The following WAC variants were observed in gnomAD, a reference collection of about 807,000 sequenced individuals.
WAC encodes WW domain containing adaptor with coiled-coil.
In WAC, 11 loss-of-function variants were observed where a neutral mutation model predicts 79.6. The observed-to-expected ratio is 0.14, with a 90% CI of 0.09 to 0.23. WAC has a LOEUF of 0.23. WAC is among the 10% of genes least tolerant of loss of function. The pLI is 1.00. For synonymous variants in WAC, 304 were observed against 276.9 expected, an observed-to-expected ratio of 1.10 and a Z score of -0.97; for missense variants, 728 against 773.5, an observed-to-expected ratio of 0.94 and a Z score of 0.70.
Position 28,622,704 on chromosome 10 carries a change from C to G in WAC, c.*3098C>G, listed in dbSNP as rs1841736060. On this transcript the variant is annotated 3_prime_UTR_variant, in exon 14 of 14. Transcript: ENST00000354911. ...TTTTCTTCTAAATCTTTGTTTCACA[C>G]TTGTAAAATCTTGGGAAGGAGGTTC... 6.6e-6 allele frequency: 1 copy of G among 152,108 alleles called. No individual in the cohort carries two copies. The highest frequency in any genetic ancestry group is 2.4e-5 in the African/African-American group (1 of 41,428). The allele number at this position is 152,108 out of a possible 1,614,324, so 9.4% of individuals were successfully genotyped here.
At chr10:28,588,768 G>A (rs1162613652) in intron 4 of WAC, 1 of 151,934 alleles carries the variant, frequency 6.6e-6, no homozygotes, top group Non-Finnish European at 1.5e-5. Flanking sequence ...ACATATTTAT[G>A]GGGTACATAG....
chr10:28,590,914 C>A, intron 6 of WAC, 82 bp downstream of exon 6: 1 of 989,704 alleles, frequency 1.0e-6, no homozygotes, highest in South Asian at 1.5e-5. Flanking sequence ...TTGCCATCTA[C>A]ATATGTAAAT....
chr10:28,583,181 T>C (rs940864368), intron 3 of WAC, among the ~76,000 whole-genome samples: 7 of 152,074 alleles, frequency 4.6e-5, no homozygotes, highest in African/African-American at 1.7e-4. Flanking sequence ...CCAGGACATA[T>C]CAGGATGACA....
At chr10:28,600,285 G>A (rs1840577795) in intron 7 of WAC, among the ~76,000 whole-genome samples, 1 of 152,224 alleles carries the variant, frequency 6.6e-6, no homozygotes, top group East Asian at 1.9e-4. Flanking sequence ...TTAATATGAG[G>A]TGTGAGTCAG....
intron 9 of WAC, chr10:28,611,204 A>G: frequency 1.7e-6 from 2 of 1,200,908 alleles, no homozygotes; most frequent in East Asian, 1.1e-4. Context: ...TTGACGTTAG[A>G]TGTTTTTTGA....
In WAC at chr10:28,535,598, G is replaced by A. The variant is rs781583446; in HGVS notation, c.115G>A (p.Gly39Ser). 9.9e-6 allele frequency: 16 copies of A among 1,613,720 alleles called. No individual in the cohort carries two copies. The highest frequency in any genetic ancestry group is 3.3e-5 in the South Asian group (3 of 91,078). Reference protein sequence around the residue: ...KYSSKSHPSSGDHRHEKMRDA... With the variant: ...KYSSKSHPSSSDHRHEKMRDA... ...TTCATCGAAGAGTCACCCCAGTAGCGGTGATCACAGACATGAAAAGATGCG... is the reference window on the plus strand; with the variant it reads ...TTCATCGAAGAGTCACCCCAGTAGCAGTGATCACAGACATGAAAAGATGCG... Residue 39 changes from glycine to serine, a missense_variant, in exon 3 of 14, where the codon GGT becomes AGT. Gly to Ser is a moderately conservative substitution (Grantham distance 56, BLOSUM62 0). Coordinates refer to ENST00000354911, the MANE Select transcript of WAC (RefSeq NM_016628.5).
intron 5 of WAC, among the ~76,000 whole-genome samples, chr10:28,590,215 G>A (rs1137260): frequency 5.3e-5 from 8 of 151,352 alleles, no homozygotes; most frequent in African/African-American, 1.9e-4. Context: ...AAGAGGCTGA[G>A]GTGGGAGGAT....
chr10:28,552,067 C>T (rs1837710198), intron 3 of WAC, among the ~76,000 whole-genome samples: 1 of 152,200 alleles, frequency 6.6e-6, no homozygotes, highest in Non-Finnish European at 1.5e-5. Flanking sequence ...CTTGCCTTGG[C>T]CTCCCAAAGT....
At chr10:28,551,024 AC>A (rs1205253213) in intron 3 of WAC, among the ~76,000 whole-genome samples, 1 of 152,026 alleles carries the variant, frequency 6.6e-6, no homozygotes, top group Non-Finnish European at 1.5e-5. Flanking sequence ...TGTTTCTCAA[AC>A]CCTCTTAAAT....
intron 3 of WAC, among the ~76,000 whole-genome samples, chr10:28,537,348 GAT>G (rs1288041983): frequency 6.6e-6 from 1 of 152,120 alleles, no homozygotes; most frequent in Non-Finnish European, 1.5e-5. Flanking sequence ...TTCTATAGTG[GAT>G]TTCATTTCTA....
chr10:28,543,280 A>C (rs993361542), intron 3 of WAC, among the ~76,000 whole-genome samples: 1 of 152,178 alleles, frequency 6.6e-6, no homozygotes, highest in Non-Finnish European at 1.5e-5. Context: ...GTACTTTTCT[A>C]GTAGCTTTGC....
At chr10:28,547,474 G>A (rs1465954808) in intron 3 of WAC, among the ~76,000 whole-genome samples, 2 of 151,872 alleles carry the variant, frequency 1.3e-5, no homozygotes, top group Non-Finnish European at 2.9e-5. Flanking sequence ...GGCAGAAGAT[G>A]CAGTGAGCCT....
chr10:28,556,832 C>G (rs1184073610), intron 3 of WAC, among the ~76,000 whole-genome samples: 1 of 152,098 alleles, frequency 6.6e-6, no homozygotes, highest in African/African-American at 2.4e-5. Flanking sequence ...ATTTCCGTTT[C>G]TCATTGTGTA....
chr10:28,619,180 G>A (rs1841598719), intron 13 of WAC, among the ~76,000 whole-genome samples: 1 of 152,212 alleles, frequency 6.6e-6, no homozygotes, highest in African/African-American at 2.4e-5. Context: ...TCAGGAGGCT[G>A]AGGCAGGGAG....
At chr10:28,613,075 G>A (rs949005129) in intron 10 of WAC, among the ~76,000 whole-genome samples, 1 of 152,020 alleles carries the variant, frequency 6.6e-6, no homozygotes, top group African/African-American at 2.4e-5. Flanking sequence ...TTAGGCCCTG[G>A]GCAATATAGC....
At chr10:28,552,168 G>C (rs564210811) in intron 3 of WAC, among the ~76,000 whole-genome samples, 1 of 152,214 alleles carries the variant, frequency 6.6e-6, no homozygotes, top group Non-Finnish European at 1.5e-5. Context: ...TACATTATTT[G>C]TTACTTTTCA....
intron 3 of WAC, among the ~76,000 whole-genome samples, chr10:28,556,613 A>G (rs1838011631): frequency 6.6e-6 from 1 of 151,630 alleles, no homozygotes; most frequent in South Asian, 2.1e-4. Flanking sequence ...TTGGTGTAGT[A>G]TTCAAAAAAT....
In WAC at chr10:28,621,181, T is replaced by C. The variant is rs557816060; in HGVS notation, c.*1575T>C. On this transcript the variant is annotated 3_prime_UTR_variant, in exon 14 of 14. Coordinates refer to ENST00000354911, the MANE Select transcript of WAC (RefSeq NM_016628.5). The stretch of plus-strand genomic sequence containing the variant: ...AAAGGTGTTTCTTCTTCTTCTTCTT[T>C]TTTTTCTTTAAATTGGTTTAGGGTT... 14 of 150,790 alleles carry C rather than the reference T, an allele frequency of 9.3e-5. No individual in the cohort carries two copies. Among genetic ancestry groups the C allele is most frequent in the Admixed American group, 4.0e-4 (6 of 15,064 alleles). The allele number at this position is 150,790 out of a possible 1,614,324, so 9.3% of individuals were successfully genotyped here.
At chr10:28,546,716 C>A (rs577018435) in intron 3 of WAC, among the ~76,000 whole-genome samples, 1 of 152,132 alleles carries the variant, frequency 6.6e-6, no homozygotes, top group African/African-American at 2.4e-5. Flanking sequence ...AGAATGAACT[C>A]TCCCCTTTGA....
Sources: gnomAD v4.1 joint callset for allele counts (sites outside exome capture counted in the v4.1 genomes callset) on GRCh38, gnomAD v4.1.1 for gene constraint, MANE v1.5 for transcripts, NCBI Gene and HGNC (gene_info 2026-07-23, HGNC 2026-07-21) for gene names.